MYH11: variants seen among roughly 807,000 people sequenced by gnomAD.
The protein encoded by MYH11 is myosin-11.
MYH11 carries 80 observed loss-of-function variants against 246.6 expected under a neutral mutation model. The observed-to-expected ratio is 0.32, with a 90% CI of 0.27 to 0.39. The LOEUF is 0.39. Ranked by LOEUF, MYH11 falls within the 10% of genes least tolerant of loss-of-function variation. The pLI, the probability that MYH11 is intolerant of heterozygous loss-of-function variation, is 1.00. For synonymous variants in MYH11, 1,071 were observed against 1,015.5 expected, an observed-to-expected ratio of 1.05 and a Z score of -1.04; for missense variants, 2,158 against 2,546.8, an observed-to-expected ratio of 0.85 and a Z score of 3.29.
chr16:15,730,554 CAAAT>C (rs1022324435), intron 27 of MYH11, among the ~76,000 whole-genome samples: 2 of 151,858 alleles, frequency 1.3e-5, no homozygotes, highest in African/African-American at 2.4e-5. Flanking sequence ...AAAAAATAAA[CAAAT>C]AATCCAATCT....
intron 7 of MYH11, among the ~76,000 whole-genome samples, chr16:15,777,829 A>G (rs569610879): frequency 1.3e-5 from 2 of 152,236 alleles, no homozygotes; most frequent in East Asian, 1.9e-4. Flanking sequence ...ACTAGGTGCA[A>G]TCACCCCCAT....
chr16:15,709,879 G>A (rs1045390360), intron 40 of MYH11, among the ~76,000 whole-genome samples: 15 of 152,242 alleles, frequency 9.9e-5, no homozygotes, highest in Admixed American at 2.0e-4. Context: ...AGCTCTTGCC[G>A]GAGGTAACTG....
chr16:15,837,881 A>C, intron 2 of MYH11, 27 bp downstream of exon 2: 2 of 1,570,974 alleles, frequency 1.3e-6, no homozygotes, highest in Non-Finnish European at 1.8e-6. Context: ...GGCCAGGAGT[A>C]GGTACCTGGC....
At chr16:15,835,092 A>AT (rs1266641617) in intron 2 of MYH11, among the ~76,000 whole-genome samples, 1 of 151,858 alleles carries the variant, frequency 6.6e-6, no homozygotes, top group African/African-American at 2.4e-5. Context: ...AAAAAAAAAA[A>AT]AAAAGTTATG....
In MYH11 at chr16:15,739,538, C is replaced by A. The variant is rs1227134482; in HGVS notation, c.2997+513G>T. Among the ~76,000 whole-genome samples, 119 of 152,226 alleles carry A rather than the reference C, an allele frequency of 7.8e-4. 1 individual carries two copies. Among genetic ancestry groups the A allele is most frequent in the Admixed American group, 7.8e-3 (119 of 15,278 alleles). ...CTTCACCATGCATACCTGCATCTAA[C>A]ACAGAGCCTGGCTCACAGTAGGGGC... On this transcript the variant is annotated intron_variant, in intron 23 of 40. Coordinates refer to ENST00000300036, the MANE Select transcript of MYH11 (RefSeq NM_002474.3).
At chr16:15,831,237 G>A (rs976937326) in intron 2 of MYH11, among the ~76,000 whole-genome samples, 2 of 152,114 alleles carry the variant, frequency 1.3e-5, no homozygotes, top group African/African-American at 4.8e-5. Context: ...CAACCACAGT[G>A]TCTCTAAGAA....
At chr16:15,722,701 A>AAC (rs2040548318) in intron 31 of MYH11, among the ~76,000 whole-genome samples, 1 of 152,178 alleles carries the variant, frequency 6.6e-6, no homozygotes, top group African/African-American at 2.4e-5. Context: ...AGGGGTAGGG[A>AAC]ACCTGCAGGC....
chr16:15,808,763 T>C (rs927171075), intron 3 of MYH11, among the ~76,000 whole-genome samples: 3 of 152,086 alleles, frequency 2.0e-5, no homozygotes, highest in African/African-American at 7.2e-5. Context: ...GACAGAGGTG[T>C]GTGCCTGTAG....
chr16:15,751,948 C>T (rs534836477), intron 15 of MYH11, among the ~76,000 whole-genome samples: 46 of 151,988 alleles, frequency 3.0e-4, no homozygotes, highest in Non-Finnish European at 5.6e-4. Flanking sequence ...ACCACCACCA[C>T]GCCCAGTTAG....
At chr16:15,795,912 A>C (rs1186524095) in intron 4 of MYH11, among the ~76,000 whole-genome samples, 1 of 152,226 alleles carries the variant, frequency 6.6e-6, no homozygotes, top group African/African-American at 2.4e-5. Context: ...CCAGAATTCA[A>C]ACCCAAGGGG....
At chr16:15,740,627 T>TA (rs1313672327) in intron 22 of MYH11, among the ~76,000 whole-genome samples, 1 of 145,386 alleles carries the variant, frequency 6.9e-6, no homozygotes, top group Non-Finnish European at 1.5e-5. Flanking sequence ...AAAAAAAAAA[T>TA]AAAGACCTGG....
chr16:15,770,733 G>T (rs2042081117), intron 9 of MYH11, among the ~76,000 whole-genome samples: 1 of 152,020 alleles, frequency 6.6e-6, no homozygotes, highest in Non-Finnish European at 1.5e-5. Flanking sequence ...TGCCTATGCT[G>T]CATAGCTCAG....
chr16:15,824,489 C>T (rs1159997053), intron 2 of MYH11, among the ~76,000 whole-genome samples: 2 of 150,394 alleles, frequency 1.3e-5, no homozygotes, highest in African/African-American at 5.0e-5. Flanking sequence ...CCATATTGCC[C>T]AGGCTGGTCT....
chr16:15,715,047 T>G lies in MYH11; in HGVS notation c.5648A>C (p.Lys1883Thr). ...CTCCTCTGCCTCCTCCAGCTGCCTC[T>G]TGAGCTGCTTGACCCTGGCATTGCC... ...EKGNARVKQL[K>T]RQLEEAEEES... The change falls in exon 40 of 41, where the codon AAG becomes ACG. Residue 1883 changes from lysine to threonine, a missense_variant. Lys to Thr is a moderately conservative substitution (Grantham distance 78). This residue lies in a region of MYH11 where 1,013 missense variants were observed against 993.5 expected (regional missense o/e 1.02). Coordinates refer to ENST00000300036, the MANE Select transcript of MYH11 (RefSeq NM_002474.3). 7 of 1,613,672 alleles carry G rather than the reference T, an allele frequency of 4.3e-6. No individual in the cohort carries two copies. The highest frequency in any genetic ancestry group is 5.9e-6 in the Non-Finnish European group (7 of 1,180,012).
At position 15,741,664 on chromosome 16, in the gene MYH11, G is replaced by A. The variant is rs199587784; in HGVS notation, c.2658C>T (p.Thr886=). The A allele has an allele frequency of 1.4e-4, 225 of 1,613,712 alleles. No homozygotes were observed. The highest frequency in any genetic ancestry group is 1.6e-4 in the Non-Finnish European group (187 of 1,180,022). The change falls in exon 22 of 41, where the codon ACC becomes ACT. Residue 886 remains threonine (T), a synonymous_variant. Coordinates refer to ENST00000300036, the MANE Select transcript of MYH11 (RefSeq NM_002474.3). ...KELEQKHSQL[T]EEKNLLQEQL... ...GTTCCTGTAGCAGGTTCTTCTCCTCGGTCAGCTGCACGCAGGTGGTGGGGA... is the reference window on the plus strand; with the variant it reads ...GTTCCTGTAGCAGGTTCTTCTCCTCAGTCAGCTGCACGCAGGTGGTGGGGA...
intron 25 of MYH11, among the ~76,000 whole-genome samples, chr16:15,736,413 G>T (rs1484878449): frequency 6.6e-6 from 1 of 152,054 alleles, no homozygotes; most frequent in Non-Finnish European, 1.5e-5. Flanking sequence ...TGAGTAGCTG[G>T]GACTACAGGC....
chr16:15,814,286 C>A (rs990083100), intron 3 of MYH11, among the ~76,000 whole-genome samples: 3 of 146,780 alleles, frequency 2.0e-5, no homozygotes, highest in Admixed American at 6.8e-5. Context: ...GACACCGTGG[C>A]TCACGCCTGT....
intron 6 of MYH11, among the ~76,000 whole-genome samples, 193 bp downstream of exon 6, chr16:15,782,182 ATCAATATTTG>A (rs1254765433): frequency 6.6e-6 from 1 of 152,096 alleles, no homozygotes; most frequent in African/African-American, 2.4e-5. Context: ...CACCAGGCCA[ATCAATATTTG>A]TTGAGTGAAT....
At chr16:15,836,538 TAC>T (rs968964182) in intron 2 of MYH11, among the ~76,000 whole-genome samples, 36 of 151,812 alleles carry the variant, frequency 2.4e-4, no homozygotes, top group African/African-American at 8.5e-4. Context: ...TAGCTGGGAT[TAC>T]AGGCGCACAC....
Sources: gnomAD v4.1 joint callset for allele counts (sites outside exome capture counted in the v4.1 genomes callset) on GRCh38, gnomAD v4.1.1 for gene constraint, gnomAD v4.1.1 regional missense constraint, MANE v1.5 for transcripts, NCBI Gene and HGNC (gene_info 2026-07-23, HGNC 2026-07-21) for gene names.